The following RARS2 variants were observed in gnomAD, a reference collection of about 807,000 sequenced individuals.
The protein encoded by RARS2 is probable arginine--tRNA ligase, mitochondrial.
Under a neutral mutation model 88.5 loss-of-function variants are expected in RARS2, and 67 were observed. The ratio of observed to expected loss-of-function variants is 0.76; its 90% CI spans 0.62 to 0.93. The LOEUF (loss-of-function observed/expected upper bound fraction) is 0.93, where lower values mean the gene tolerates loss of function less well. Among genes scored for constraint, RARS2 ranks in the 40% least tolerant of loss-of-function variants. RARS2 has a pLI of 0.00. For missense variants in RARS2, 664 were observed against 684.2 expected, an observed-to-expected ratio of 0.97 and a Z score of 0.33; for synonymous variants, 239 against 230.3, an observed-to-expected ratio of 1.04 and a Z score of -0.34.
intron 14 of RARS2, chr6:87,519,132 A>T: frequency 2.3e-6 from 1 of 439,940 alleles, no homozygotes; most frequent in Non-Finnish European, 4.1e-6. Flanking sequence ...ATAAATTTGG[A>T]TTTCTGATTT....
At chr6:87,570,623 T>C (rs1191100757) in intron 1 of RARS2, among the ~76,000 whole-genome samples, 4 of 152,164 alleles carry the variant, frequency 2.6e-5, no homozygotes, top group Admixed American at 1.3e-4. Context: ...CCTTGCCATT[T>C]TGGCCAGGCT....
chr6:87,562,754 C>A lies in RARS2; in HGVS notation c.245G>T (p.Ser82Ile). The A allele has an allele frequency of 6.2e-7, 1 of 1,613,660 alleles. No homozygotes were observed. Among genetic ancestry groups the A allele is most frequent in the Non-Finnish European group, 8.5e-7 (1 of 1,179,604 alleles). Residue 82 changes from serine to isoleucine, a missense_variant, in exon 4 of 20, where the codon AGT becomes ATT. Physicochemically the swap from Ser to Ile is moderately radical, Grantham distance 142 (BLOSUM62 -2). Coordinates refer to ENST00000369536, the MANE Select transcript of RARS2 (RefSeq NM_020320.5). ...LRCDTVVSEI[S>I]TGQRTVNFKI... is the part of the protein sequence containing the mutation. Reference sequence around the variant, plus strand: ...GAAATTTACAGTCCTTTGACCAGTACTGATTTCACTCACCACTGTATCACA... The same window carrying A: ...GAAATTTACAGTCCTTTGACCAGTAATGATTTCACTCACCACTGTATCACA...
At chr6:87,585,711 G>A (rs1021319302) in intron 1 of RARS2, among the ~76,000 whole-genome samples, 10 of 151,368 alleles carry the variant, frequency 6.6e-5, no homozygotes, top group African/African-American at 2.0e-4. Context: ...TAGCCCGGAC[G>A]ACTGAGCAAG....
At chr6:87,589,731 C>T in intron 1 of RARS2, 191 bp downstream of exon 1, 1 of 985,378 alleles carries the variant, frequency 1.0e-6, no homozygotes, top group Non-Finnish European at 1.2e-6. Context: ...CCGAGACAAA[C>T]TGATCCCAGC....
intron 1 of RARS2, among the ~76,000 whole-genome samples, chr6:87,577,805 G>A (rs145704114): frequency 3.3e-4 from 50 of 152,232 alleles, no homozygotes; most frequent in African/African-American, 1.1e-3. Context: ...TATGGTAGAC[G>A]GTGATGCTGT....
rs2128000540 is a variant in RARS2, at chr6:87,518,674, C to T, written c.1371G>A (p.Gly457=). 6.2e-7 allele frequency: 1 copy of T among 1,613,944 alleles called. No individual in the cohort carries two copies. The part of the protein sequence containing the change: ...FSWDRVFQSR[G]DTGVFLQYTH... Reference sequence around the variant, plus strand: ...TGTACTGTAGGAAGACTCCTGTGTCCCCGCGACTCTGGAAAACACGATCCC... The same window carrying T: ...TGTACTGTAGGAAGACTCCTGTGTCTCCGCGACTCTGGAAAACACGATCCC... Residue 457 remains glycine, a synonymous_variant, in exon 16 of 20, where the codon GGG becomes GGA. Transcript: ENST00000369536.
intron 10 of RARS2, among the ~76,000 whole-genome samples, chr6:87,525,816 G>A (rs1445941191): frequency 6.6e-6 from 1 of 151,994 alleles, no homozygotes; most frequent in African/African-American, 2.4e-5. Flanking sequence ...AAAGTGCTGG[G>A]ATTACAGGCG....
At chr6:87,541,200 A>G (rs1267598958) in intron 8 of RARS2, among the ~76,000 whole-genome samples, 1 of 152,228 alleles carries the variant, frequency 6.6e-6, no homozygotes, top group Non-Finnish European at 1.5e-5. Flanking sequence ...TTTCTGAGAC[A>G]GGGTCTTGCT....
chr6:87,535,119 T>C (rs1055345435), intron 8 of RARS2, among the ~76,000 whole-genome samples: 1 of 152,224 alleles, frequency 6.6e-6, no homozygotes, highest in Non-Finnish European at 1.5e-5. Flanking sequence ...TTAAAAACTA[T>C]TTCTTACATA....
At chr6:87,520,879 G>C (rs982504964) in intron 12 of RARS2, among the ~76,000 whole-genome samples, 3 of 152,218 alleles carry the variant, frequency 2.0e-5, no homozygotes, top group African/African-American at 4.8e-5. Flanking sequence ...GGCTGACCAC[G>C]AGGGAGTTTG....
At chr6:87,568,169 A>G (rs1325430353) in intron 2 of RARS2, among the ~76,000 whole-genome samples, 3 of 152,238 alleles carry the variant, frequency 2.0e-5, no homozygotes, top group Admixed American at 2.0e-4. Flanking sequence ...AAGATGGTTC[A>G]GCTTATTAAA....
intron 4 of RARS2, among the ~76,000 whole-genome samples, chr6:87,559,304 T>G (rs1048647744): frequency 6.6e-6 from 1 of 151,864 alleles, no homozygotes; most frequent in East Asian, 1.9e-4. Context: ...ATTTATTTTT[T>G]AGAGACAGGG....
chr6:87,551,291 C>T (rs1352902123), intron 5 of RARS2, among the ~76,000 whole-genome samples: 1 of 152,038 alleles, frequency 6.6e-6, no homozygotes, highest in African/African-American at 2.4e-5. Context: ...TGTTAAATTA[C>T]TTCATGTAAT....
chr6:87,562,628 A>G (rs2128169262), intron 4 of RARS2, 74 bp downstream of exon 4: 1 of 1,166,094 alleles, frequency 8.6e-7, no homozygotes, highest in Non-Finnish European at 1.3e-6. Context: ...AAGAATTTAA[A>G]AACTGGAGGA....
chr6:87,526,613 G>GA (rs59724141), intron 10 of RARS2, among the ~76,000 whole-genome samples: 96,070 of 151,036 alleles, frequency 0.64, 31,987 homozygotes, highest in African/African-American at 0.84. Context: ...CAAAAACATA[G>GA]GACCAATGGA....
At chr6:87,519,184 A>ATGTGTGTGTG (rs374177464) in intron 14 of RARS2, 5,123 of 222,964 alleles carry the variant, frequency 0.023, 55 homozygotes, top group East Asian at 0.028. Context: ...ATAAATATAT[A>ATGTGTGTGTG]TGTGTGTGTG....
chr6:87,575,266 CA>C (rs1771092842), intron 1 of RARS2, among the ~76,000 whole-genome samples: 5 of 149,860 alleles, frequency 3.3e-5, no homozygotes, highest in South Asian at 2.1e-4. Context: ...CACACACACA[CA>C]CACACACACA....
chr6:87,518,351 A>G, intron 16 of RARS2, 87 bp from the exon 17 acceptor site: 1 of 1,599,718 alleles, frequency 6.3e-7, no homozygotes, highest in Non-Finnish European at 8.5e-7. Flanking sequence ...ATGACCTTAT[A>G]ATACACAATT....
intron 2 of RARS2, among the ~76,000 whole-genome samples, chr6:87,568,073 A>G (rs980042980): frequency 1.3e-5 from 2 of 152,150 alleles, no homozygotes; most frequent in Non-Finnish European, 2.9e-5. Flanking sequence ...GCCCGGCCCC[A>G]ATATTTATTT....
Sources: gnomAD v4.1 joint callset for allele counts (sites outside exome capture counted in the v4.1 genomes callset) on GRCh38, gnomAD v4.1.1 for gene constraint, MANE v1.5 for transcripts, NCBI Gene and HGNC (gene_info 2026-07-23, HGNC 2026-07-21) for gene names.